The following ODAD4 variants were observed in gnomAD, a reference collection of about 807,000 sequenced individuals.
ODAD4 encodes outer dynein arm-docking complex subunit 4.
ODAD4 carries 49 observed loss-of-function variants against 51.8 expected under a neutral mutation model. The ratio of observed to expected loss-of-function variants is 0.95; its 90% confidence interval spans 0.75 to 1.20. ODAD4 has a LOEUF of 1.20. Ranked by LOEUF, ODAD4 falls within the 50% of genes most tolerant of loss-of-function variation. The probability of loss-of-function intolerance (pLI) is 0.00; values close to 1 mark genes in which losing one functional copy is unlikely to be tolerated. For synonymous variants in ODAD4, 235 were observed against 221.3 expected (o/e 1.06, Z -0.55); for missense variants, 590 against 586.5 (o/e 1.01, Z -0.06).
chr17:41,943,412 T>C (rs528846791), intron 7 of ODAD4, among the ~76,000 whole-genome samples: 2 of 152,292 alleles, frequency 1.3e-5, no homozygotes, highest in East Asian at 3.9e-4. Flanking sequence ...TTATTTCACC[T>C]GGGTGCAGGC....
At chr17:41,940,482 G>A (rs1376397084) in intron 7 of ODAD4, among the ~76,000 whole-genome samples, 2 of 152,118 alleles carry the variant, frequency 1.3e-5, no homozygotes, top group African/African-American at 4.8e-5. Context: ...AGCCCCATAT[G>A]CTTTCCATTC....
chr17:41,939,376 G>C (rs973881500), intron 7 of ODAD4, among the ~76,000 whole-genome samples: 1 of 152,182 alleles, frequency 6.6e-6, no homozygotes, highest in Non-Finnish European at 1.5e-5. Flanking sequence ...CCACCAAAAG[G>C]GTAGTGGCTC....
At position 41,938,685 on chromosome 17, in the gene ODAD4, C is replaced by T. The variant is rs781793562; in HGVS notation, c.754C>T (p.Arg252Trp). 157 of 1,613,922 alleles carry T rather than the reference C, an allele frequency of 9.7e-5. No homozygotes were observed. Among genetic ancestry groups the T allele is most frequent in the Non-Finnish European group, 1.1e-4 (134 of 1,179,888 alleles). The change falls in exon 6 of 12, where the codon CGG becomes TGG. Residue 252 changes from arginine (R) to tryptophan (W), a missense_variant. Arg to Trp is a moderately radical substitution (Grantham distance 101, BLOSUM62 -3). This residue lies in a region of ODAD4 where 360 missense variants were observed against 407.5 expected (regional missense o/e 0.88). Coordinates refer to ENST00000377540, the MANE Select transcript of ODAD4 (RefSeq NM_031421.5). ...QKPIYARERD[R>W]KLMQEKWLRD... is the part of the protein sequence containing the mutation. The stretch of plus-strand genomic sequence containing the variant: ...GCCGATCTACGCCAGGGAGCGGGAC[C>T]GGAAGCTGATGCAAGAGAAATGGCT...
At chr17:41,942,429 C>T (rs533900674) in intron 7 of ODAD4, among the ~76,000 whole-genome samples, 1 of 152,350 alleles carries the variant, frequency 6.6e-6, no homozygotes, top group Admixed American at 6.5e-5. Context: ...TATTTGATCA[C>T]ATGCTTTATT....
At chr17:41,939,351 CTG>C (rs2050475092) in intron 7 of ODAD4, among the ~76,000 whole-genome samples, 179 bp downstream of exon 7, 1 of 152,204 alleles carries the variant, frequency 6.6e-6, no homozygotes, top group African/African-American at 2.4e-5. Flanking sequence ...GGCACCTAGA[CTG>C]TTAGCTTTTT....
In ODAD4 at chr17:41,944,444, A is replaced by ACACACACACACACACACC. The variant is rs1191101800; in HGVS notation, c.1059-691_1059-690insACACACACACACACACCC. Among the ~76,000 whole-genome samples the ACACACACACACACACACC allele has an allele frequency of 1.7e-3, 33 of 19,554 alleles. 1 individual carries two copies. The highest frequency in any genetic ancestry group is 4.2e-3 in the South Asian group (1 of 238). The allele number at this position is 19,554 out of a possible 152,430, so 12.8% of individuals were successfully genotyped here. A position where few individuals can be genotyped will look rare whatever the true frequency, so the allele number is the denominator to read the frequency against. ...CACACACACACACACACACACACAC[A>ACACACACACACACACACC]CCCCCCCGCATACACAGAAATTGCC... is the stretch of plus-strand genomic sequence containing the variant. On this transcript the variant is annotated intron_variant, in intron 7 of 11. Transcript: ENST00000377540.
chr17:41,933,804 ACT>A (rs1165029874), intron 1 of ODAD4, among the ~76,000 whole-genome samples: 1 of 151,352 alleles, frequency 6.6e-6, no homozygotes, highest in African/African-American at 2.4e-5. Flanking sequence ...ACAGTGTGAG[ACT>A]CTGTCTCAAA....
chr17:41,965,600 C>A lies in ODAD4; in HGVS notation c.*117C>A. On this transcript the variant is annotated 3_prime_UTR_variant, in exon 12 of 12. Coordinates refer to ENST00000377540, the MANE Select transcript of ODAD4 (RefSeq NM_031421.5). ...AGGAAAAATGAGGGTTTTACTTCTG[C>A]TGCTTTCCATCACTATTTTGCCATT... 1 of 617,982 alleles carries A rather than the reference C, an allele frequency of 1.6e-6. No individual in the cohort carries two copies. The highest frequency in any genetic ancestry group is 2.9e-6 in the Non-Finnish European group (1 of 349,390). 38.3% of individuals were successfully genotyped at this position (617,982 alleles called of 1,614,324 possible). A position where few individuals can be genotyped will look rare whatever the true frequency, so the allele number is the denominator to read the frequency against.
intron 10 of ODAD4, among the ~76,000 whole-genome samples, chr17:41,956,087 A>C (rs2050728416): frequency 7.7e-6 from 1 of 130,020 alleles, no homozygotes; most frequent in African/African-American, 3.0e-5. Flanking sequence ...CTCACTTGTC[A>C]CCCAGGCTGG....
chr17:41,938,839 A>G (rs2050466135), intron 6 of ODAD4, 58 bp downstream of exon 6: 2 of 1,584,074 alleles, frequency 1.3e-6, no homozygotes, highest in South Asian at 2.3e-5. Context: ...CAGGTGGGGA[A>G]GGAGCAACCA....
chr17:41,931,221 A>G (rs1203697005), intron 1 of ODAD4, among the ~76,000 whole-genome samples: 1 of 151,940 alleles, frequency 6.6e-6, no homozygotes, highest in East Asian at 1.9e-4. Flanking sequence ...GATTGCAGAT[A>G]ACACTGAGGT....
rs1205650629 is a variant in ODAD4, at chr17:41,930,819, C to T, written c.96C>T (p.Ala32=). 5 of 1,594,894 alleles carry T rather than the reference C, an allele frequency of 3.1e-6. No individual in the cohort carries two copies. In the African/African-American group the frequency reaches 5.4e-5, roughly 17 times the overall value. The part of the protein sequence containing the change: ...RLYLCGEFSK[A]AQSFSNALYL... Reference sequence around the variant, plus strand: ...ACCTGTGCGGGGAATTTTCTAAAGCCGCGCAGAGCTTCAGCAACGTGAGTC... The same window carrying T: ...ACCTGTGCGGGGAATTTTCTAAAGCTGCGCAGAGCTTCAGCAACGTGAGTC... The change falls in exon 1 of 12, where the codon GCC becomes GCT. Residue 32 remains alanine, a synonymous_variant. Coordinates refer to ENST00000377540, the MANE Select transcript of ODAD4 (RefSeq NM_031421.5).
At chr17:41,934,453 G>A (rs1555637415) in intron 1 of ODAD4, among the ~76,000 whole-genome samples, 1 of 151,828 alleles carries the variant, frequency 6.6e-6, no homozygotes, top group Non-Finnish European at 1.5e-5. Flanking sequence ...CCAGGTTCAA[G>A]CAATCCTCCC....
intron 11 of ODAD4, among the ~76,000 whole-genome samples, chr17:41,962,565 G>T (rs976311110): frequency 1.3e-5 from 2 of 152,230 alleles, no homozygotes; most frequent in Non-Finnish European, 1.5e-5. Context: ...AAGACTGTGT[G>T]CACGGACTCA....
At chr17:41,962,623 T>TTCCA in intron 11 of ODAD4, among the ~76,000 whole-genome samples, 1 of 152,228 alleles carries the variant, frequency 6.6e-6, no homozygotes, top group Non-Finnish European at 1.5e-5. Context: ...TGTTATTAGC[T>TTCCA]TGACTTTATG....
Position 41,945,334 on chromosome 17 carries a change from C to A in ODAD4, c.1145+112C>A, listed in dbSNP as rs1489712947. 4.4e-6 allele frequency: 3 copies of A among 677,846 alleles called. No homozygotes were observed. The African/African-American group carries it at 5.7e-5, about 13-fold the overall frequency. 42.0% of individuals were successfully genotyped at this position (677,846 alleles called of 1,614,324 possible). A position where few individuals can be genotyped will look rare whatever the true frequency, so the allele number is the denominator to read the frequency against. On this transcript the variant is annotated intron_variant, in intron 8 of 11. Coordinates refer to ENST00000377540, the MANE Select transcript of ODAD4 (RefSeq NM_031421.5). ...CCAGCCTGGGCAACATAGGAAGACT[C>A]CCTCTCTACAAAAAAAAAAAAAAAA...
At chr17:41,960,135 C>G (rs1555641494) in intron 10 of ODAD4, among the ~76,000 whole-genome samples, 3 of 151,466 alleles carry the variant, frequency 2.0e-5, no homozygotes, top group Non-Finnish European at 4.4e-5. Flanking sequence ...GGCTGCCAAG[C>G]TCAAATGTGT....
At position 41,934,233 on chromosome 17, in the gene ODAD4, G is replaced by A. The variant is rs540159004; in HGVS notation, c.115-984G>A. Among the ~76,000 whole-genome samples the A allele has an allele frequency of 2.4e-3, 370 of 151,692 alleles. 2 individuals carry two copies. The highest frequency in any genetic ancestry group is 4.0e-3 in the Non-Finnish European group (274 of 67,894). On this transcript the variant is annotated intron_variant, in intron 1 of 11. Coordinates refer to ENST00000377540, the MANE Select transcript of ODAD4 (RefSeq NM_031421.5). ...ATTTTTGTATTTTTAGTAGAAATGG[G>A]TTTCACCACGTTGGCCAGGCTGGTC...
chr17:41,938,393 T>A (rs2144496881), intron 5 of ODAD4, among the ~76,000 whole-genome samples, 164 bp from the exon 6 acceptor site: 1 of 152,218 alleles, frequency 6.6e-6, no homozygotes, highest in Non-Finnish European at 1.5e-5. Flanking sequence ...CTGGCCTGGA[T>A]AAACCCACTC....
Sources: gnomAD v4.1 joint callset for allele counts (sites outside exome capture counted in the v4.1 genomes callset) on GRCh38, gnomAD v4.1.1 for gene constraint, gnomAD v4.1.1 regional missense constraint, MANE v1.5 for transcripts, NCBI Gene and HGNC (gene_info 2026-07-23, HGNC 2026-07-21) for gene names.